Variants in TP63 observed in about 807,000 individuals in gnomAD.
TP63 encodes the protein tumor protein 63.
Under a neutral mutation model 82.8 loss-of-function variants are expected in TP63, and 17 were observed. The ratio of observed to expected loss-of-function variants is 0.21; its 90% CI spans 0.14 to 0.31. The LOEUF (loss-of-function observed/expected upper bound fraction) is 0.31, where lower values mean the gene tolerates loss of function less well. Among genes scored for constraint, TP63 ranks in the 10% least tolerant of loss-of-function variants. TP63 has a pLI of 1.00. For missense variants in TP63, 648 were observed against 895.3 expected, an observed-to-expected ratio of 0.72 and a Z score of 3.52; for synonymous variants, 330 against 321.7, an observed-to-expected ratio of 1.03 and a Z score of -0.28.
chr3:189,664,656 T>C (rs1258922362), intron 1 of TP63, among the ~76,000 whole-genome samples: 1 of 152,206 alleles, frequency 6.6e-6, no homozygotes, highest in African/African-American at 2.4e-5. Context: ...AAGACTTTAT[T>C]GTATGTGCCT....
At chr3:189,685,926 G>A (rs977380591) in intron 1 of TP63, among the ~76,000 whole-genome samples, 2 of 152,170 alleles carry the variant, frequency 1.3e-5, no homozygotes, top group African/African-American at 4.8e-5. Context: ...GGATAAAATG[G>A]TGAGAAGAGT....
chr3:189,638,499 T>C (rs1162568150), intron 1 of TP63, among the ~76,000 whole-genome samples: 1 of 152,124 alleles, frequency 6.6e-6, no homozygotes. Flanking sequence ...ATTACTAGTT[T>C]CTGTTAAAGT....
intron 1 of TP63, among the ~76,000 whole-genome samples, chr3:189,644,044 C>T (rs1244639953): frequency 6.6e-6 from 1 of 152,116 alleles, no homozygotes; most frequent in African/African-American, 2.4e-5. Context: ...TTTTGATTGC[C>T]TTCCCACAAT....
chr3:189,727,323 T>C (rs561478200), intron 1 of TP63, among the ~76,000 whole-genome samples: 6 of 152,324 alleles, frequency 3.9e-5, no homozygotes, highest in African/African-American at 1.4e-4. Flanking sequence ...GCCACTGCAA[T>C]TGGATTATTT....
intron 1 of TP63, among the ~76,000 whole-genome samples, chr3:189,666,895 A>T (rs1379747152): frequency 8.5e-6 from 1 of 118,018 alleles, no homozygotes; most frequent in Non-Finnish European, 2.0e-5. Flanking sequence ...AAAAGAATGG[A>T]TTGGATATTT....
the TP63 span, among the ~76,000 whole-genome samples, chr3:189,611,412 A>G: frequency 6.6e-6 from 1 of 151,986 alleles, no homozygotes; most frequent in Non-Finnish European, 1.5e-5. Flanking sequence ...TCTTTTCCCC[A>G]TTGTTTGTTT....
rs116665949 is a variant in TP63, at chr3:189,767,703, G to T, written c.324+28929G>T. On this transcript the variant is annotated intron_variant, in intron 3 of 13. Transcript: ENST00000264731. Reference sequence around the variant, plus strand: ...TCAAGTTTTACCATATAGAGTGTAGGATACTAAATTGTCTGATAGACAATA... The same window carrying T: ...TCAAGTTTTACCATATAGAGTGTAGTATACTAAATTGTCTGATAGACAATA... Among the ~76,000 whole-genome samples the T allele has an allele frequency of 2.9e-3, 441 of 152,212 alleles. 2 individuals carry two copies. Among genetic ancestry groups the T allele is most frequent in the South Asian group, 6.4e-3 (31 of 4,810 alleles).
intron 1 of TP63, among the ~76,000 whole-genome samples, chr3:189,712,549 G>C (rs2108756250): frequency 6.6e-6 from 1 of 152,224 alleles, no homozygotes; most frequent in East Asian, 1.9e-4. Context: ...GCACACAGCA[G>C]CTCTTTGAGG....
intron 1 of TP63, among the ~76,000 whole-genome samples, chr3:189,698,045 A>G (rs761653912): frequency 1.3e-5 from 2 of 152,066 alleles, no homozygotes; most frequent in Admixed American, 6.6e-5. Context: ...TTACTTCACT[A>G]TTTAGGGCTT....
At chr3:189,696,091 T>C (rs1429802692) in intron 1 of TP63, among the ~76,000 whole-genome samples, 1 of 152,160 alleles carries the variant, frequency 6.6e-6, no homozygotes, top group Non-Finnish European at 1.5e-5. Flanking sequence ...TCATTACTTG[T>C]GCTATAAAGT....
At chr3:189,661,949 TTC>T (rs1284861224) in intron 1 of TP63, among the ~76,000 whole-genome samples, 2 of 152,094 alleles carry the variant, frequency 1.3e-5, no homozygotes, top group African/African-American at 4.8e-5. Context: ...TATTTGGATC[TTC>T]TCTCTTTTTT....
chr3:189,667,337 G>A (rs1198481393), intron 1 of TP63, among the ~76,000 whole-genome samples: 1 of 151,842 alleles, frequency 6.6e-6, no homozygotes, highest in Non-Finnish European at 1.5e-5. Context: ...ACCACGCCTG[G>A]CCAATTTTTG....
At chr3:189,748,323 A>T (rs955939848) in intron 3 of TP63, among the ~76,000 whole-genome samples, 1 of 152,034 alleles carries the variant, frequency 6.6e-6, no homozygotes, top group Non-Finnish European at 1.5e-5. Context: ...GATCTGATAA[A>T]TGAATTCAAT....
At chr3:189,743,181 A>T (rs1721127940) in intron 3 of TP63, among the ~76,000 whole-genome samples, 1 of 152,150 alleles carries the variant, frequency 6.6e-6, no homozygotes, top group Non-Finnish European at 1.5e-5. Flanking sequence ...GTAATTCACA[A>T]ATGATTAATG....
At chr3:189,795,792 A>G (rs1725637662) in intron 3 of TP63, among the ~76,000 whole-genome samples, 1 of 152,056 alleles carries the variant, frequency 6.6e-6, no homozygotes, top group Non-Finnish European at 1.5e-5. Flanking sequence ...TCAAAACTTC[A>G]CATACTCTAG....
intron 1 of TP63, among the ~76,000 whole-genome samples, chr3:189,646,485 CTT>C: frequency 6.8e-6 from 1 of 147,528 alleles, no homozygotes; most frequent in East Asian, 2.3e-4. Context: ...AATGACTAAA[CTT>C]TTAATTATTT....
chr3:189,700,297 G>A (rs566978316), intron 1 of TP63, among the ~76,000 whole-genome samples: 64 of 152,100 alleles, frequency 4.2e-4, no homozygotes, highest in African/African-American at 1.4e-3. Flanking sequence ...AAGTAATACA[G>A]GCATTATGAA....
chr3:189,872,328 A>G (rs558517609), intron 9 of TP63, among the ~76,000 whole-genome samples: 111 of 152,132 alleles, frequency 7.3e-4, no homozygotes, highest in Admixed American at 5.2e-4. Context: ...TATTTAATAT[A>G]TACCGTTGAC....
At position 189,808,336 on chromosome 3, in the gene TP63, C is replaced by A. The variant is rs1278311377; in HGVS notation, c.389C>A (p.Ser130Tyr). 1 of 1,614,228 alleles carries A rather than the reference C, an allele frequency of 6.2e-7. No individual in the cohort carries two copies. Among genetic ancestry groups the A allele is most frequent in the South Asian group, 1.1e-5 (1 of 91,084 alleles). The change falls in exon 4 of 14, where the codon TCC becomes TAC. Residue 130 changes from serine (S) to tyrosine (Y), a missense_variant. By Grantham distance (144) the Ser-to-Tyr change is moderately radical. This residue lies in a region of TP63 where 182 missense variants were observed against 213.6 expected (regional missense o/e 0.85). Coordinates refer to ENST00000264731, the MANE Select transcript of TP63 (RefSeq NM_003722.5). ...MDQQIQNGSS[S>Y]TSPYNTDHAQ... ...CAGCAGATTCAGAACGGCTCCTCGT[C>A]CACCAGTCCCTATAACACAGACCAC...
Sources: gnomAD v4.1 joint callset for allele counts (sites outside exome capture counted in the v4.1 genomes callset) on GRCh38, gnomAD v4.1.1 for gene constraint, gnomAD v4.1.1 regional missense constraint, MANE v1.5 for transcripts, NCBI Gene and HGNC (gene_info 2026-07-23, HGNC 2026-07-21) for gene names.